ITGA4: variants seen among roughly 807,000 people sequenced by gnomAD.
ITGA4 encodes the protein integrin alpha-4.
In ITGA4, 63 loss-of-function variants were observed where a neutral mutation model predicts 133.6. The observed-to-expected ratio is 0.47, with a 90% CI of 0.38 to 0.58. The LOEUF (loss-of-function observed/expected upper bound fraction) is 0.58. Ranked by LOEUF, ITGA4 falls within the 20% of genes least tolerant of loss-of-function variation. The probability of loss-of-function intolerance (pLI) is 0.00; values close to 1 mark genes in which losing one functional copy is unlikely to be tolerated. For missense variants in ITGA4, 1,076 were observed against 1,252.7 expected, an observed-to-expected ratio of 0.86 and a Z score of 2.13; for synonymous variants, 483 against 438.0, an observed-to-expected ratio of 1.10 and a Z score of -1.28.
intron 17 of ITGA4, among the ~76,000 whole-genome samples, chr2:181,517,772 C>T (rs1201399045): frequency 6.6e-6 from 1 of 152,034 alleles, no homozygotes; most frequent in Non-Finnish European, 1.5e-5. Flanking sequence ...AACCAGGAGT[C>T]TAGCTGCTGA....
At chr2:181,534,788 T>TGAGG (rs747702016) in intron 26 of ITGA4, 28 bp from the exon 27 acceptor site, 3 of 1,541,626 alleles carry the variant, frequency 1.9e-6, no homozygotes. Context: ...TTTTGGTTTT[T>TGAGG]GAGTTTTATT....
intron 10 of ITGA4, among the ~76,000 whole-genome samples, chr2:181,487,698 T>G (rs747235457): frequency 1.2e-4 from 18 of 152,242 alleles, no homozygotes; most frequent in Non-Finnish European, 2.4e-4. Flanking sequence ...TATTGAACAT[T>G]TATTTTGGGT....
intron 15 of ITGA4, among the ~76,000 whole-genome samples, chr2:181,505,860 G>A (rs1024673273): frequency 1.3e-5 from 2 of 152,118 alleles, no homozygotes; most frequent in Admixed American, 1.3e-4. Flanking sequence ...TGGACATGTG[G>A]AGGGACAATC....
rs1687294615 is a variant in ITGA4, at chr2:181,538,235, T to G, written c.*2708T>G. ...TTCCTCCATAAAGACTGATAAGTCT[T>G]GGATGCAATCTGTAAAGAAAATACA... On this transcript the variant is annotated 3_prime_UTR_variant, in exon 28 of 28. Transcript: ENST00000397033. 2.5e-6 allele frequency: 4 copies of G among 1,582,232 alleles called. No homozygotes were observed. Among genetic ancestry groups the G allele is most frequent in the East Asian group, 4.5e-5 (2 of 44,700 alleles).
chr2:181,531,753 G>A lies in ITGA4; in HGVS notation c.2761G>A (p.Gly921Ser), dbSNP rs1686949432. The A allele has an allele frequency of 6.3e-7, 1 of 1,599,472 alleles. No individual in the cohort carries two copies. The highest frequency in any genetic ancestry group is 8.5e-7 in the Non-Finnish European group (1 of 1,174,772). The change falls in exon 25 of 28, where the codon GGC becomes AGC. Residue 921 changes from glycine to serine, a missense_variant. Around this residue, in one of 4 missense-constraint regions of ITGA4, gnomAD observed 193 missense variants for 172.3 expected, o/e 1.12. Transcript: ENST00000397033. ...AGCCAGTGTTCATATCCAACTGGAA[G>A]GCCGGCCATCCATTTTAGAAATGGT... The part of the protein sequence containing the change: ...KEASVHIQLE[G>S]RPSILEMDET...
At chr2:181,524,421 G>A (rs892520172) in intron 20 of ITGA4, 171 bp downstream of exon 20, 1 of 502,136 alleles carries the variant, frequency 2.0e-6, no homozygotes. Flanking sequence ...TACTGGCAAT[G>A]TTTTAGCTCT....
At chr2:181,466,661 A>C (rs1685423911) in intron 2 of ITGA4, among the ~76,000 whole-genome samples, 1 of 152,198 alleles carries the variant, frequency 6.6e-6, no homozygotes, top group African/African-American at 2.4e-5. Flanking sequence ...CACCAGGTTT[A>C]ACTAGATGTG....
Position 181,473,176 on chromosome 2 carries a change from G to A in ITGA4, c.320-1784G>A, listed in dbSNP as rs142880738. 4.6e-5 allele frequency among the ~76,000 whole-genome samples: 7 copies of A among 152,332 alleles called. No individual in the cohort carries two copies. The South Asian group carries it at 6.2e-4, about 14-fold the overall frequency. ...CTGGGCTGTGGATGGGTACTGGCCC[G>A]TGGCCTGGTAGGAACTGGGCTGCAC... On this transcript the variant is annotated intron_variant, in intron 2 of 27. Transcript: ENST00000397033.
intron 17 of ITGA4, among the ~76,000 whole-genome samples, chr2:181,519,992 T>C (rs1240487076): frequency 1.3e-5 from 2 of 152,170 alleles, no homozygotes; most frequent in Non-Finnish European, 2.9e-5. Context: ...TGTTAGGCTC[T>C]GAGAAAGCAT....
intron 21 of ITGA4, 110 bp from the exon 22 acceptor site, chr2:181,527,187 G>A: frequency 4.8e-6 from 3 of 619,602 alleles, no homozygotes; most frequent in Non-Finnish European, 8.4e-6. Flanking sequence ...AAAACCAAAA[G>A]TATTCCATGG....
chr2:181,457,569 C>A lies in ITGA4; in HGVS notation c.-86C>A, dbSNP rs1261299912. 1 of 1,211,362 alleles carries A rather than the reference C, an allele frequency of 8.3e-7. No homozygotes were observed. Among genetic ancestry groups the A allele is most frequent in the Non-Finnish European group, 1.2e-6 (1 of 860,120 alleles). The allele number at this position is 1,211,362 out of a possible 1,614,324, so 75.0% of individuals were successfully genotyped here. On this transcript the variant is annotated 5_prime_UTR_variant, in exon 1 of 28. Transcript: ENST00000397033. ...ACACGCTGCGCCTCATCTCTTGGGGCGTTCTTCCCCGTTGGCCAACCGTCG... is the reference window on the plus strand; with the variant it reads ...ACACGCTGCGCCTCATCTCTTGGGGAGTTCTTCCCCGTTGGCCAACCGTCG...
rs973447044 is a variant in ITGA4 at position 181,516,867 on chromosome 2, T to C, written c.1922+5092T>C. Among the ~76,000 whole-genome samples the C allele has an allele frequency of 1.1e-4, 16 of 152,078 alleles. No homozygotes were observed. Among genetic ancestry groups the C allele is most frequent in the African/African-American group, 2.9e-4 (12 of 41,432 alleles). ...CCCGAAAGAGCTAGTGTGATGAAATTGTCCATTTTTAAAATGGAAATAGTA... is the reference window on the plus strand; with the variant it reads ...CCCGAAAGAGCTAGTGTGATGAAATCGTCCATTTTTAAAATGGAAATAGTA... On this transcript the variant is annotated intron_variant, in intron 17 of 27. Transcript: ENST00000397033. This position sits in a 1 kb window ranked among gnomAD's most constrained non-coding sequence, Gnocchi z 4.0.
At chr2:181,519,524 C>T (rs1686674748) in intron 17 of ITGA4, among the ~76,000 whole-genome samples, 1 of 152,070 alleles carries the variant, frequency 6.6e-6, no homozygotes, top group Non-Finnish European at 1.5e-5. Context: ...TTAGAAGTTA[C>T]ATTAGAGTTA....
Position 181,457,620 on chromosome 2 carries a change from G to A in ITGA4, c.-35G>A. ...CATCCCGTGCAACTTTGGGGTAGTG[G>A]CCGTTTAGTGTTGAATGTTCCCCAC... On this transcript the variant is annotated 5_prime_UTR_variant, in exon 1 of 28. Transcript: ENST00000397033. The A allele has an allele frequency of 1.9e-6, 3 of 1,587,784 alleles. No homozygotes were observed. The highest frequency in any genetic ancestry group is 1.3e-5 in the African/African-American group (1 of 74,328).
At chr2:181,503,010 C>CAGGAA (rs953930613) in intron 15 of ITGA4, among the ~76,000 whole-genome samples, 5 of 151,784 alleles carry the variant, frequency 3.3e-5, no homozygotes, top group African/African-American at 1.2e-4. Context: ...GGTGAGGGAC[C>CAGGAA]AGGAAAGAAA....
At position 181,457,625 on chromosome 2, in the gene ITGA4, T is replaced by C. The variant is rs1265614382; in HGVS notation, c.-30T>C. On this transcript the variant is annotated 5_prime_UTR_variant, in exon 1 of 28. Coordinates refer to ENST00000397033, the MANE Select transcript of ITGA4 (RefSeq NM_000885.6). ...CGTGCAACTTTGGGGTAGTGGCCGT[T>C]TAGTGTTGAATGTTCCCCACCGAGA... 2 of 1,592,348 alleles carry C rather than the reference T, an allele frequency of 1.3e-6. No homozygotes were observed. Among genetic ancestry groups the C allele is most frequent in the Admixed American group, 3.4e-5 (2 of 58,000 alleles).
intron 15 of ITGA4, among the ~76,000 whole-genome samples, chr2:181,508,349 G>A (rs1686435445): frequency 6.6e-6 from 1 of 152,020 alleles, no homozygotes; most frequent in Non-Finnish European, 1.5e-5. Flanking sequence ...CTGTGTAACT[G>A]GTAAATAAAT....
chr2:181,507,563 A>T (rs1418215154), intron 15 of ITGA4, among the ~76,000 whole-genome samples: 3 of 152,014 alleles, frequency 2.0e-5, no homozygotes, highest in Non-Finnish European at 4.4e-5. Context: ...ACCCTGGGGG[A>T]TTGATTCCAG....
intron 17 of ITGA4, among the ~76,000 whole-genome samples, chr2:181,517,026 T>C (rs1686620407): frequency 6.6e-6 from 1 of 152,042 alleles, no homozygotes; most frequent in Non-Finnish European, 1.5e-5. Flanking sequence ...CCTCAGTGAG[T>C]TTGCCTGTCT....
Sources: gnomAD v4.1 joint callset for allele counts (sites outside exome capture counted in the v4.1 genomes callset) on GRCh38, gnomAD v4.1.1 for gene constraint, gnomAD v4.1.1 regional missense constraint, Gnocchi (gnomAD v3.1) non-coding constraint, MANE v1.5 for transcripts, NCBI Gene and HGNC (gene_info 2026-07-23, HGNC 2026-07-21) for gene names.